The following TRPM3 variants were observed in gnomAD, a reference collection of about 807,000 sequenced individuals.
TRPM3 encodes long transient receptor potential channel 3.
In TRPM3, 77 loss-of-function variants were observed where a neutral mutation model predicts 181.2. That is an observed-to-expected ratio of 0.42 (90% CI 0.35 to 0.51). The LOEUF is 0.51. Ranked by LOEUF, TRPM3 falls within the 20% of genes least tolerant of loss-of-function variation. The pLI is 0.01. For synonymous variants in TRPM3, 745 were observed against 796.4 expected, an observed-to-expected ratio of 0.94 and a Z score of 1.09; for missense variants, 1,759 against 2,196.7, an observed-to-expected ratio of 0.80 and a Z score of 3.98.
At chr9:71,402,241 C>T (rs1159898560) in intron 1 of TRPM3, among the ~76,000 whole-genome samples, 2 of 152,118 alleles carry the variant, frequency 1.3e-5, no homozygotes, top group South Asian at 2.1e-4. Flanking sequence ...ATTTAATGAA[C>T]AAACATGAAA....
At chr9:70,547,389 CAT>C (rs1399296944) in intron 25 of TRPM3, among the ~76,000 whole-genome samples, 1 of 152,016 alleles carries the variant, frequency 6.6e-6, no homozygotes, top group African/African-American at 2.4e-5. Flanking sequence ...TCAGAAAGGA[CAT>C]GTTCTAGAAG....
At chr9:70,875,177 G>A (rs1469566448) in intron 1 of TRPM3, among the ~76,000 whole-genome samples, 2 of 151,880 alleles carry the variant, frequency 1.3e-5, no homozygotes, top group African/African-American at 2.4e-5. Flanking sequence ...CATCCTAGCC[G>A]TGATTTGCTT....
chr9:70,568,540 C>T (rs935936883), intron 22 of TRPM3, among the ~76,000 whole-genome samples: 1 of 152,180 alleles, frequency 6.6e-6, no homozygotes, highest in African/African-American at 2.4e-5. Context: ...TAAACAATTG[C>T]TATACCCCAG....
exon 1 of TRPM3, chr9:71,446,819 C>G: frequency 6.5e-7 from 1 of 1,547,710 alleles, no homozygotes. Context: ...CGCCGCATCC[C>G]TCCACTTCTT....
At chr9:71,005,209 C>A (rs1239664110) in intron 1 of TRPM3, among the ~76,000 whole-genome samples, 1 of 152,118 alleles carries the variant, frequency 6.6e-6, no homozygotes, top group Non-Finnish European at 1.5e-5. Flanking sequence ...GAGTTTGAGA[C>A]CAGCCTGACC....
intron 1 of TRPM3, among the ~76,000 whole-genome samples, chr9:70,967,593 T>C (rs1035394662): frequency 2.0e-5 from 3 of 152,060 alleles, no homozygotes; most frequent in Non-Finnish European, 4.4e-5. Context: ...ATTAGCATTC[T>C]CAAAGTGTGT....
intron 1 of TRPM3, among the ~76,000 whole-genome samples, chr9:71,011,226 A>G (rs1172457596): frequency 6.6e-6 from 1 of 152,142 alleles, no homozygotes; most frequent in African/African-American, 2.4e-5. Context: ...CTGGTGTTCT[A>G]TTACACAGTA....
rs1426021486 is a variant in TRPM3 at position 70,761,670 on chromosome 9, GAA to G, written c.1201_1202del (p.Phe401HisfsTer38). On this transcript the variant is annotated frameshift_variant, in exon 8 of 26. Coordinates refer to ENST00000677713, the MANE Select transcript of TRPM3 (RefSeq NM_001366145.2). LOFTEE classifies it high-confidence loss of function. ...DQLLVTIQKT[F>X]TYTRTQAQHL... The stretch of plus-strand genomic sequence containing the variant: ...GCTGAGCTTGGGTTCGAGTGTATGT[GAA>G]AGTCTTCTGTATAGTCACCAACAGC... 6.2e-7 allele frequency: 1 copy of G among 1,613,912 alleles called. No homozygotes were observed.
intron 6 of TRPM3, among the ~76,000 whole-genome samples, chr9:70,808,154 A>G (rs1309524997): frequency 6.6e-6 from 1 of 152,246 alleles, no homozygotes. Context: ...CATCAAGATA[A>G]CAGGTTCCTA....
At position 70,686,675 on chromosome 9, in the gene TRPM3, C is replaced by CTCCTTCCTTCTTTCCT. The variant is rs1554668958; in HGVS notation, c.1273-5113_1273-5098dup. Among the ~76,000 whole-genome samples, 132 of 82,610 alleles carry CTCCTTCCTTCTTTCCT rather than the reference C, an allele frequency of 1.6e-3. 3 individuals are homozygous for CTCCTTCCTTCTTTCCT. Among genetic ancestry groups the CTCCTTCCTTCTTTCCT allele is most frequent in the African/African-American group, 6.3e-3 (128 of 20,174 alleles). 54.2% of individuals were successfully genotyped at this position (82,610 alleles called of 152,430 possible). A position where few individuals can be genotyped will look rare whatever the true frequency, so the allele number is the denominator to read the frequency against. ...CCCTTCCTGCCTTCCTTCCTGGAAACTCCTTCCTTCTTTCCTTCCTTCCTT... is the reference window on the plus strand; with the variant it reads ...CCCTTCCTGCCTTCCTTCCTGGAAACTCCTTCCTTCTTTCCTTCCTTCCTTCTTTCCTTCCTTCCTT... On this transcript the variant is annotated intron_variant, in intron 8 of 25. Coordinates refer to ENST00000677713, the MANE Select transcript of TRPM3 (RefSeq NM_001366145.2).
chr9:71,413,858 CT>C lies in TRPM3; in HGVS notation c.183+32794del, dbSNP rs564664274. On this transcript the variant is annotated intron_variant, in intron 1 of 24. Coordinates refer to the TRPM3 transcript ENST00000357533. ...CCAGGATTATGAAAAATACATTTCT[CT>C]TTTTTTTTTTTTTAAACTACCCAGT... Among the ~76,000 whole-genome samples the C allele has an allele frequency of 4.6e-3, 660 of 144,500 alleles. 1 individual carries two copies. Among genetic ancestry groups the C allele is most frequent in the Middle Eastern group, 0.011 (3 of 274 alleles). 94.8% of individuals were successfully genotyped at this position (144,500 alleles called of 152,430 possible).
chr9:71,072,771 A>T (rs2062943273), intron 1 of TRPM3, among the ~76,000 whole-genome samples: 1 of 152,222 alleles, frequency 6.6e-6, no homozygotes, highest in South Asian at 2.1e-4. Flanking sequence ...AGGATGTTGG[A>T]AAACTGACAA....
chr9:71,127,490 C>T (rs745976809), intron 1 of TRPM3, among the ~76,000 whole-genome samples: 1 of 152,126 alleles, frequency 6.6e-6, no homozygotes, highest in African/African-American at 2.4e-5. Context: ...GTCAGGCAGA[C>T]TCTATCCAAA....
At chr9:70,803,773 C>T (rs1185542290) in intron 6 of TRPM3, among the ~76,000 whole-genome samples, 1 of 144,474 alleles carries the variant, frequency 6.9e-6, no homozygotes, top group Non-Finnish European at 1.5e-5. Context: ...TTACCTATAG[C>T]AAGCCACAAC....
At chr9:70,844,099 C>T (rs1336788765) in intron 4 of TRPM3, among the ~76,000 whole-genome samples, 1 of 152,162 alleles carries the variant, frequency 6.6e-6, no homozygotes, top group Non-Finnish European at 1.5e-5. Context: ...AACAGTAAAA[C>T]TGTTTGAGAG....
intron 1 of TRPM3, among the ~76,000 whole-genome samples, chr9:71,065,789 T>A (rs755637722): frequency 2.0e-5 from 3 of 151,978 alleles, no homozygotes; most frequent in Non-Finnish European, 2.9e-5. Context: ...TCACACAGAG[T>A]CTAATTTGCA....
intron 1 of TRPM3, among the ~76,000 whole-genome samples, chr9:70,874,458 C>T (rs751948818): frequency 9.9e-5 from 15 of 151,920 alleles, no homozygotes; most frequent in Non-Finnish European, 2.2e-4. Context: ...ATAGGCTTAG[C>T]CCAGTGGACC....
chr9:70,592,046 C>G (rs181755090), intron 21 of TRPM3, among the ~76,000 whole-genome samples: 43 of 152,270 alleles, frequency 2.8e-4, no homozygotes, highest in Non-Finnish European at 7.4e-5. Flanking sequence ...TTCCTTCTTT[C>G]CATGATGTAT....
At position 70,535,854 on chromosome 9, in the gene TRPM3, G is replaced by T. The variant is rs2041585530; in HGVS notation, c.*99C>A. On this transcript the variant is annotated 3_prime_UTR_variant, in exon 26 of 26. Coordinates refer to ENST00000677713, the MANE Select transcript of TRPM3 (RefSeq NM_001366145.2). ...AGCATTGCTTGTTTTGCTCAGCTAA[G>T]AATAAAGCAGGTATGATTCAAGGAA... The T allele has an allele frequency of 2.0e-6, 3 of 1,515,590 alleles. No individual in the cohort carries two copies. The African/African-American group carries it at 4.2e-5, about 21-fold the overall frequency. The allele number at this position is 1,515,590 out of a possible 1,614,324, so 93.9% of individuals were successfully genotyped here.
Sources: gnomAD v4.1 joint callset for allele counts (sites outside exome capture counted in the v4.1 genomes callset) on GRCh38, gnomAD v4.1.1 for gene constraint, MANE v1.5 for transcripts, NCBI Gene and HGNC (gene_info 2026-07-23, HGNC 2026-07-21) for gene names.